The following TCF3 variants were observed in gnomAD, a reference collection of about 807,000 sequenced individuals.
The protein encoded by TCF3 is transcription factor 3, also known as transcription factor E2-alpha.
A neutral mutation model predicts 72.3 loss-of-function variants in TCF3; 54 were observed. The ratio of observed to expected loss-of-function variants is 0.75; its 90% CI spans 0.60 to 0.94. The LOEUF is 0.94. Among genes scored for constraint, TCF3 ranks in the 40% least tolerant of loss-of-function variants. The pLI, the probability that TCF3 is intolerant of heterozygous loss-of-function variation, is 0.00. For missense variants in TCF3, 1,078 were observed against 934.4 expected, an observed-to-expected ratio of 1.15 and a Z score of -2.00; for synonymous variants, 525 against 412.6, an observed-to-expected ratio of 1.27 and a Z score of -3.30.
At chr19:1,616,954 G>C (rs1038300311) in intron 16 of TCF3, among the ~76,000 whole-genome samples, 1 of 152,088 alleles carries the variant, frequency 6.6e-6, no homozygotes, top group Non-Finnish European at 1.5e-5. Context: ...CAAAAAGAAA[G>C]TAACTCAGTA....
chr19:1,620,011 C>A (rs1416354613), intron 13 of TCF3, among the ~76,000 whole-genome samples, 158 bp from the exon 14 acceptor site: 1 of 152,176 alleles, frequency 6.6e-6, no homozygotes, highest in Non-Finnish European at 1.5e-5. Context: ...CAAAGCTGCT[C>A]GGCCCCGCCA....
Position 1,614,405 on chromosome 19 carries a change from G to A in TCF3, c.1822+880C>T, listed in dbSNP as rs891533372. 6.6e-6 allele frequency among the ~76,000 whole-genome samples: 1 copy of A among 152,200 alleles called. No individual in the cohort carries two copies. The highest frequency in any genetic ancestry group is 1.5e-5 in the Non-Finnish European group (1 of 68,032). On this transcript the variant is annotated intron_variant, in intron 18 of 18. Coordinates refer to ENST00000262965, the MANE Select transcript of TCF3 (RefSeq NM_003200.5). The surrounding 1 kb of genome is among the most constrained non-coding windows in gnomAD (Gnocchi z 5.6). ...TGCAGCCCAGCCGCTCCCGGTGCTCGGGCAGCAAGTGCGAGGTGAGGAGGG... is the reference window on the plus strand; with the variant it reads ...TGCAGCCCAGCCGCTCCCGGTGCTCAGGCAGCAAGTGCGAGGTGAGGAGGG...
chr19:1,632,493 A>G, intron 3 of TCF3, 88 bp from the exon 4 acceptor site: 1 of 1,397,148 alleles, frequency 7.2e-7, no homozygotes, highest in Non-Finnish European at 9.9e-7. Flanking sequence ...GGCAAACCTC[A>G]GTGGACCCGG....
chr19:1,637,363 C>T (rs1418845567), intron 3 of TCF3, among the ~76,000 whole-genome samples: 1 of 152,214 alleles, frequency 6.6e-6, no homozygotes, highest in Non-Finnish European at 1.5e-5. Flanking sequence ...ACCTTCTCCC[C>T]CAGAAGCAGG....
intron 3 of TCF3, among the ~76,000 whole-genome samples, chr19:1,645,145 A>G (rs185666042): frequency 4.1e-4 from 62 of 152,010 alleles, no homozygotes; most frequent in African/African-American, 1.4e-3. Context: ...CCCTTTGCCC[A>G]CCACTCAAAA....
At chr19:1,624,025 A>ACCGG in intron 7 of TCF3, 25 bp from the exon 8 acceptor site, 1 of 1,611,282 alleles carries the variant, frequency 6.2e-7, no homozygotes, top group Non-Finnish European at 8.5e-7. Flanking sequence ...AGGGGTGAGA[A>ACCGG]CCGGCCACCG....
At chr19:1,635,867 C>T (rs2064324156) in intron 3 of TCF3, among the ~76,000 whole-genome samples, 2 of 152,232 alleles carry the variant, frequency 1.3e-5, no homozygotes, top group African/African-American at 4.8e-5. Context: ...ATTAACACCT[C>T]GACAGCTCCT....
chr19:1,641,399 T>C (rs1196018325), intron 3 of TCF3, among the ~76,000 whole-genome samples: 1 of 152,122 alleles, frequency 6.6e-6, no homozygotes, highest in East Asian at 1.9e-4. Flanking sequence ...AGAGGATCAC[T>C]TGAGCTCATG....
At position 1,611,790 on chromosome 19, in the gene TCF3, C is replaced by G. The variant is rs146047446; in HGVS notation, c.1882G>C (p.Gly628Arg). ...ACCATCTGGGGGTCTCCAACCACACCTGACACCTTTTCCTCTTCTCGCCGT... is the reference window on the plus strand; with the variant it reads ...ACCATCTGGGGGTCTCCAACCACACGTGACACCTTTTCCTCTTCTCGCCGT... ...LKRREEEKVS[G>R]VVGDPQMVLS... Residue 628 changes from glycine (G) to arginine (R), a missense_variant, in exon 19 of 19, where the codon GGT (glycine) becomes CGT (arginine). Physicochemically the swap from Gly to Arg is moderately radical, Grantham distance 125. Coordinates refer to ENST00000262965, the MANE Select transcript of TCF3 (RefSeq NM_003200.5). 3 of 1,613,778 alleles carry G rather than the reference C, an allele frequency of 1.9e-6. No homozygotes were observed. In the African/African-American group the frequency reaches 4.0e-5, roughly 22 times the overall value.
At chr19:1,636,231 C>T (rs902083386) in intron 3 of TCF3, among the ~76,000 whole-genome samples, 3 of 152,120 alleles carry the variant, frequency 2.0e-5, no homozygotes, top group African/African-American at 7.2e-5. Flanking sequence ...GCGATCTTGG[C>T]TCACTGCAAC....
At position 1,614,772 on chromosome 19, in the gene TCF3, G is replaced by T. The variant is rs895323410; in HGVS notation, c.1822+513C>A. Among the ~76,000 whole-genome samples, 1 of 152,096 alleles carries T rather than the reference G, an allele frequency of 6.6e-6. No homozygotes were observed. Among genetic ancestry groups the T allele is most frequent in the Non-Finnish European group, 1.5e-5 (1 of 67,998 alleles). On this transcript the variant is annotated intron_variant, in intron 18 of 18. Transcript: ENST00000262965. The surrounding 1 kb of genome is among the most constrained non-coding windows in gnomAD (Gnocchi z 5.6). ...CTCCCCCTGGCCCTGGGAAATGGGG[G>T]TGATAGGAAGTTTCCCTATCACCTT...
intron 3 of TCF3, among the ~76,000 whole-genome samples, chr19:1,632,856 C>T (rs1261199955): frequency 6.6e-6 from 1 of 152,224 alleles, no homozygotes; most frequent in East Asian, 1.9e-4. Context: ...TGGAAGCTAA[C>T]CCATGAGCTC....
chr19:1,632,329 T>C lies in TCF3; in HGVS notation c.219+3A>G. ...GGGTCTCAGGCCTCACGGGGACTCC[T>C]ACCCGGCTGGGGTCAAAGGAGGAGC... On this transcript the variant is annotated splice_donor_region_variant and intron_variant, in intron 4 of 18. Coordinates refer to ENST00000262965, the MANE Select transcript of TCF3 (RefSeq NM_003200.5). The C allele has an allele frequency of 1.3e-6, 2 of 1,582,358 alleles. No individual in the cohort carries two copies. The highest frequency in any genetic ancestry group is 1.7e-6 in the Non-Finnish European group (2 of 1,164,128).
At chr19:1,631,918 T>C in intron 5 of TCF3, 120 bp downstream of exon 5, 2 of 1,541,444 alleles carry the variant, frequency 1.3e-6, no homozygotes, top group Non-Finnish European at 1.7e-6. Context: ...GCTTCGGCTG[T>C]CCACACCCTC....
Position 1,611,729 on chromosome 19 carries a change from TG to T in TCF3, c.1942del (p.His648ThrfsTer112). 6.2e-7 allele frequency: 1 copy of T among 1,613,568 alleles called. No homozygotes were observed. Among genetic ancestry groups the T allele is most frequent in the Non-Finnish European group, 8.5e-7 (1 of 1,179,874 alleles). On this transcript the variant is annotated frameshift_variant, in exon 19 of 19. Coordinates refer to ENST00000262965, the MANE Select transcript of TCF3 (RefSeq NM_003200.5). LOFTEE classifies it high-confidence loss of function. ...CTTTCACATGTGCCCGGCGGGGTTG[TG>T]GGCTTCGCTCAGGCCTGGGTGGGGA... ...SAPHPGLSEA[H>X]NPAGHM
chr19:1,649,994 G>C (rs1369581746), intron 2 of TCF3, among the ~76,000 whole-genome samples, 183 bp downstream of exon 2: 2 of 152,178 alleles, frequency 1.3e-5, no homozygotes, highest in African/African-American at 4.8e-5. Flanking sequence ...TAGCACACGT[G>C]CTGCCGTGCG....
intron 3 of TCF3, among the ~76,000 whole-genome samples, chr19:1,643,892 A>G (rs2145511296): frequency 6.6e-6 from 1 of 152,332 alleles, no homozygotes; most frequent in East Asian, 1.9e-4. Context: ...GCACATGAAG[A>G]AGGGGCCAAG....
chr19:1,619,797 C>G lies in TCF3; in HGVS notation c.1150G>C (p.Gly384Arg). 13 of 1,560,624 alleles carry G rather than the reference C, an allele frequency of 8.3e-6. No homozygotes were observed. The highest frequency in any genetic ancestry group is 1.1e-5 in the Non-Finnish European group (13 of 1,153,328). Residue 384 changes from glycine (G) to arginine (R), a missense_variant, in exon 14 of 19, where the codon GGG becomes CGG. Transcript: ENST00000262965. The part of the protein sequence containing the change: ...APGALSPSYD[G>R]GLHGLQSKIE... ...GCACTCACCAGGCCGTGGAGACCCC[C>G]GTCGTAGCTGGGCGATAAGGCACCG... is the stretch of plus-strand genomic sequence containing the variant.
At chr19:1,639,169 G>C (rs574073413) in intron 3 of TCF3, among the ~76,000 whole-genome samples, 1 of 152,144 alleles carries the variant, frequency 6.6e-6, no homozygotes, top group African/African-American at 2.4e-5. Context: ...TCAGCCTCCC[G>C]AGCAGCTGGG....
Sources: allele counts gnomAD v4.1 joint callset (sites outside exome capture counted in the v4.1 genomes callset), GRCh38; gene constraint gnomAD v4.1.1; non-coding constraint Gnocchi (gnomAD v3.1); transcripts MANE v1.5; gene names NCBI Gene and HGNC (gene_info 2026-07-23, HGNC 2026-07-21).